The following GTF3C1 variants were observed in gnomAD, a reference collection of about 807,000 sequenced individuals.
GTF3C1 encodes general transcription factor 3C polypeptide 1.
Under a neutral mutation model 226.7 loss-of-function variants are expected in GTF3C1, and 57 were observed. That is an observed-to-expected ratio of 0.25 (90% CI 0.20 to 0.31). The LOEUF (loss-of-function observed/expected upper bound fraction) is 0.31. Ranked by LOEUF, GTF3C1 falls within the 10% of genes least tolerant of loss-of-function variation. The probability of loss-of-function intolerance (pLI) is 1.00; values close to 1 mark genes in which losing one functional copy is unlikely to be tolerated. For synonymous variants in GTF3C1, 1,090 were observed against 1,084.8 expected (o/e 1.00, Z -0.09); for missense variants, 2,217 against 2,776.1 (o/e 0.80, Z 4.53).
chr16:27,492,444 G>C lies in GTF3C1; in HGVS notation c.3045C>G (p.Ala1015=). 3 of 1,611,814 alleles carry C rather than the reference G, an allele frequency of 1.9e-6. No homozygotes were observed. The highest frequency in any genetic ancestry group is 2.5e-6 in the Non-Finnish European group (3 of 1,177,888). Residue 1015 remains alanine (A), a synonymous_variant, in exon 19 of 37, where the codon GCC becomes GCG. Transcript: ENST00000356183. This position sits in a 1 kb window ranked among gnomAD's most constrained non-coding sequence, Gnocchi z 5.0. ...GCCTCTCGAAGGGCCGGCTGCTGCG[G>C]GCCAGGTTGTAATGTGGGTCGCAGA... The part of the protein sequence containing the change: ...TTICDPHYNL[A]RSSRPFERRL...
At chr16:27,520,555 G>GTACC (rs967860465) in intron 6 of GTF3C1, among the ~76,000 whole-genome samples, 4 of 152,154 alleles carry the variant, frequency 2.6e-5, no homozygotes, top group Non-Finnish European at 4.4e-5. Context: ...AGGGTCTTAG[G>GTACC]TTTTTCTCAC....
Position 27,470,538 on chromosome 16 carries a change from C to A in GTF3C1, c.4527-143G>T. On this transcript the variant is annotated intron_variant, in intron 30 of 36. Coordinates refer to ENST00000356183, the MANE Select transcript of GTF3C1 (RefSeq NM_001520.4). This position sits in a 1 kb window ranked among gnomAD's most constrained non-coding sequence, Gnocchi z 4.9. ...CTTCCCTAAAGCTCTCTGTCCCATC[C>A]CAGATGAAGGTGCTGCATTCCCACC... 1.5e-6 allele frequency: 1 copy of A among 676,218 alleles called. No homozygotes were observed. Among genetic ancestry groups the A allele is most frequent in the Non-Finnish European group, 2.6e-6 (1 of 392,098 alleles). The allele number at this position is 676,218 out of a possible 1,614,324, so 41.9% of individuals were successfully genotyped here. A position where few individuals can be genotyped will look rare whatever the true frequency, so the allele number is the denominator to read the frequency against.
chr16:27,537,743 G>A (rs1242220781), intron 4 of GTF3C1, 41 bp downstream of exon 4: 9 of 1,480,216 alleles, frequency 6.1e-6, no homozygotes, highest in African/African-American at 1.4e-5. Flanking sequence ...ACACATGGCT[G>A]CAACTAAAAA....
Position 27,505,956 on chromosome 16 carries a change from C to T in GTF3C1, c.1713G>A (p.Ala571=), listed in dbSNP as rs151324892. ...CAGCTATGTCACCACTGTTGCTGTC[C>T]GCACAGTGGGAGACAAAGGACACGT... ...EPNVSFVSHC[A]DSNSGDIAVI... Residue 571 remains alanine (A), a synonymous_variant, in exon 10 of 37, where the codon GCG becomes GCA. Transcript: ENST00000356183. 20 of 1,612,910 alleles carry T rather than the reference C, an allele frequency of 1.2e-5. No homozygotes were observed. Among genetic ancestry groups the T allele is most frequent in the Middle Eastern group, 1.6e-4 (1 of 6,082 alleles).
intron 10 of GTF3C1, among the ~76,000 whole-genome samples, chr16:27,505,461 C>T (rs926689243): frequency 3.3e-5 from 5 of 152,166 alleles, no homozygotes; most frequent in African/African-American, 9.7e-5. Context: ...CCAGTAGCAG[C>T]CCCTCCCTAA....
At chr16:27,540,400 T>TG (rs1393109865) in intron 2 of GTF3C1, among the ~76,000 whole-genome samples, 1 of 152,160 alleles carries the variant, frequency 6.6e-6, no homozygotes, top group East Asian at 1.9e-4. Flanking sequence ...AGAGGTCAGC[T>TG]GGGGGAAAAA....
intron 26 of GTF3C1, among the ~76,000 whole-genome samples, 200 bp from the exon 27 acceptor site, chr16:27,481,391 TCAC>T (rs903582123): frequency 1.3e-5 from 2 of 152,022 alleles, no homozygotes; most frequent in African/African-American, 4.8e-5. Flanking sequence ...CAAAAGACCC[TCAC>T]CACTACGCTC....
chr16:27,545,378 T>C lies in GTF3C1; in HGVS notation c.367A>G (p.Ile123Val), dbSNP rs1236754010. 3 of 1,614,024 alleles carry C rather than the reference T, an allele frequency of 1.9e-6. No individual in the cohort carries two copies. Among genetic ancestry groups the C allele is most frequent in the Non-Finnish European group, 2.5e-6 (3 of 1,179,846 alleles). Reference sequence around the variant, plus strand: ...GACTTGGTTCTGATGTCATTGGTAATGTTTTTCCTCTCCTTAAAGTAGCGG... The same window carrying C: ...GACTTGGTTCTGATGTCATTGGTAACGTTTTTCCTCTCCTTAAAGTAGCGG... ...SCRYFKERKNITNDIRTKSLQ... is the reference protein window; with the variant it reads ...SCRYFKERKNVTNDIRTKSLQ... Residue 123 changes from isoleucine to valine, a missense_variant, in exon 2 of 37, where the codon ATT becomes GTT. Physicochemically the swap from Ile to Val is conservative, Grantham distance 29. Coordinates refer to ENST00000356183, the MANE Select transcript of GTF3C1 (RefSeq NM_001520.4).
intron 2 of GTF3C1, among the ~76,000 whole-genome samples, chr16:27,544,076 G>A (rs892592770): frequency 1.3e-5 from 2 of 152,140 alleles, no homozygotes; most frequent in South Asian, 4.1e-4. Context: ...TTCATGTGCT[G>A]AAGGGAAAGC....
Position 27,537,799 on chromosome 16 carries a change from C to G in GTF3C1, c.737G>C (p.Arg246Pro). Residue 246 changes from arginine to proline, a missense_variant, in exon 4 of 37, where the codon CGG becomes CCG. Arg to Pro is a moderately radical substitution (Grantham distance 103). Coordinates refer to ENST00000356183, the MANE Select transcript of GTF3C1 (RefSeq NM_001520.4). ...CAAACCATACCTGTCCACATGAAAC[C>G]GGTTCAGTAGGAGGAGGATTGAGTG... Reference protein sequence around the residue: ...QQHSILLLLNRFHVDRRSKYD... With the variant: ...QQHSILLLLNPFHVDRRSKYD... 2 of 1,611,690 alleles carry G rather than the reference C, an allele frequency of 1.2e-6. No homozygotes were observed. Among genetic ancestry groups the G allele is most frequent in the Non-Finnish European group, 1.7e-6 (2 of 1,178,042 alleles).
intron 8 of GTF3C1, among the ~76,000 whole-genome samples, chr16:27,508,254 C>T (rs1215921425): frequency 3.3e-5 from 5 of 152,154 alleles, no homozygotes; most frequent in Non-Finnish European, 5.9e-5. Flanking sequence ...CAGGTGATCC[C>T]CCTACCTCAG....
In GTF3C1 at chr16:27,461,269, G is replaced by A. The variant is rs1431936595; in HGVS notation, c.*81C>T. ...GGAGGCTCGGCAGACCCAAGGCCAG[G>A]GCACAGTGGGGTCTGCCGAGCACCA... On this transcript the variant is annotated 3_prime_UTR_variant, in exon 37 of 37. Coordinates refer to ENST00000356183, the MANE Select transcript of GTF3C1 (RefSeq NM_001520.4). The surrounding 1 kb of genome is among the most constrained non-coding windows in gnomAD (Gnocchi z 5.3). 21 of 877,192 alleles carry A rather than the reference G, an allele frequency of 2.4e-5. No homozygotes were observed. The highest frequency in any genetic ancestry group is 3.4e-5 in the Non-Finnish European group (19 of 564,908). The allele number at this position is 877,192 out of a possible 1,614,324, so 54.3% of individuals were successfully genotyped here.
At position 27,486,108 on chromosome 16, in the gene GTF3C1, T is replaced by C. The variant is rs1446201086; in HGVS notation, c.3747A>G (p.Glu1249=). The part of the protein sequence containing the change: ...EKSKRLRYHD[E]ADQSALQRMT... ...TCCGCTGCAGGGCACTCTGGTCGGC[T>C]TCATCATGGTAGCGCAGCCTTTTGC... The change falls in exon 24 of 37, where the codon GAA becomes GAG. Residue 1249 remains glutamate, a synonymous_variant. Transcript: ENST00000356183. The C allele has an allele frequency of 6.2e-7, 1 of 1,608,092 alleles. No homozygotes were observed. Among genetic ancestry groups the C allele is most frequent in the Non-Finnish European group, 8.5e-7 (1 of 1,174,796 alleles).
At chr16:27,532,824 G>A (rs2088939985) in intron 5 of GTF3C1, among the ~76,000 whole-genome samples, 1 of 152,150 alleles carries the variant, frequency 6.6e-6, no homozygotes. Flanking sequence ...TTTAAATGAA[G>A]GACAAAGCAC....
Position 27,470,234 on chromosome 16 carries a change from C to A in GTF3C1, c.4688G>T (p.Gly1563Val). Residue 1563 changes from glycine to valine, a missense_variant, in exon 31 of 37, where the codon GGC (glycine) becomes GTC (valine). Transcript: ENST00000356183. This position sits in a 1 kb window ranked among gnomAD's most constrained non-coding sequence, Gnocchi z 4.9. ...TNDMVAFSLD[G>V]PGGNCVAVLT... ...GACGGCCACACAATTTCCTCCAGGG[C>A]CGTCCAGTGAAAAGGCCACCATGTC... is the stretch of plus-strand genomic sequence containing the variant. 6.2e-7 allele frequency: 1 copy of A among 1,613,868 alleles called. No homozygotes were observed. The highest frequency in any genetic ancestry group is 1.3e-5 in the African/African-American group (1 of 75,054).
At chr16:27,509,755 C>G (rs1366271458) in intron 7 of GTF3C1, among the ~76,000 whole-genome samples, 2 of 106,888 alleles carry the variant, frequency 1.9e-5, no homozygotes, top group Non-Finnish European at 3.5e-5. Context: ...GAGACTCCGT[C>G]TCAAAAAAAA....
chr16:27,471,462 T>C lies in GTF3C1; in HGVS notation c.4526+286A>G. The C allele has an allele frequency of 2.7e-6, 1 of 368,248 alleles. No individual in the cohort carries two copies. The highest frequency in any genetic ancestry group is 5.4e-5 in the East Asian group (1 of 18,402). The allele number at this position is 368,248 out of a possible 1,614,324, so 22.8% of individuals were successfully genotyped here. On this transcript the variant is annotated intron_variant, in intron 30 of 36. Coordinates refer to ENST00000356183, the MANE Select transcript of GTF3C1 (RefSeq NM_001520.4). This position sits in a 1 kb window ranked among gnomAD's most constrained non-coding sequence, Gnocchi z 5.0. ...GAGGGTGGACTTCCAGCCAGGCCAATTATTAAATGCAAACTGATTTCACTC... is the reference window on the plus strand; with the variant it reads ...GAGGGTGGACTTCCAGCCAGGCCAACTATTAAATGCAAACTGATTTCACTC...
chr16:27,548,870 G>A (rs752729803), intron 1 of GTF3C1, among the ~76,000 whole-genome samples: 1 of 152,178 alleles, frequency 6.6e-6, no homozygotes, highest in Non-Finnish European at 1.5e-5. Flanking sequence ...GAACAGCAAT[G>A]TGGCCGGGCG....
rs1567382766 is a variant in GTF3C1 at position 27,465,285 on chromosome 16, G to A, written c.5330C>T (p.Thr1777Ile). The change falls in exon 33 of 37, where the codon ACC becomes ATC. Residue 1777 changes from threonine (T) to isoleucine (I), a missense_variant. By Grantham distance (89) the Thr-to-Ile change is moderately conservative. Around this residue, in one of 12 missense-constraint regions of GTF3C1, gnomAD observed 455 missense variants for 441.9 expected, o/e 1.03. Coordinates refer to ENST00000356183, the MANE Select transcript of GTF3C1 (RefSeq NM_001520.4). ...CTGGATGCAATCTGCGAATGTCCTG[G>A]TGCGCCCACCACCTGCCTTCTCCAA... ...SALEKAGGGRTRTFADCIQAL... is the reference protein window; with the variant it reads ...SALEKAGGGRIRTFADCIQAL... The A allele has an allele frequency of 3.1e-6, 5 of 1,614,078 alleles. No individual in the cohort carries two copies. In the South Asian group the frequency reaches 3.3e-5, roughly 11 times the overall value.
Sources: gnomAD v4.1 joint callset for allele counts (sites outside exome capture counted in the v4.1 genomes callset) on GRCh38, gnomAD v4.1.1 for gene constraint, gnomAD v4.1.1 regional missense constraint, Gnocchi (gnomAD v3.1) non-coding constraint, MANE v1.5 for transcripts, NCBI Gene and HGNC (gene_info 2026-07-23, HGNC 2026-07-21) for gene names.